Variants in RXRA observed in about 807,000 individuals in gnomAD.
RXRA encodes retinoid X receptor alpha.
A neutral mutation model predicts 44.5 loss-of-function variants in RXRA; 5 were observed. The observed-to-expected ratio is 0.11, with a 90% CI of 0.06 to 0.24. The LOEUF is 0.24. Ranked by LOEUF, RXRA falls within the 10% of genes least tolerant of loss-of-function variation. The pLI, the probability that RXRA is intolerant of heterozygous loss-of-function variation, is 1.00. For missense variants in RXRA, 412 were observed against 646.5 expected, an observed-to-expected ratio of 0.64 and a Z score of 3.93; for synonymous variants, 291 against 271.4, an observed-to-expected ratio of 1.07 and a Z score of -0.71.
chr9:134,372,635 G>A (rs1247064281), intron 1 of RXRA, among the ~76,000 whole-genome samples: 1 of 152,164 alleles, frequency 6.6e-6, no homozygotes, highest in Non-Finnish European at 1.5e-5. Context: ...GGAGACAGAG[G>A]ATCAGAGAGG....
At chr9:134,423,416 T>C (rs1831381130) in intron 6 of RXRA, 1 of 985,360 alleles carries the variant, frequency 1.0e-6, no homozygotes, top group African/African-American at 1.7e-5. Flanking sequence ...GGCTCCTAAG[T>C]GGCAAGTGGA....
chr9:134,355,755 C>T (rs1211434948), intron 1 of RXRA, among the ~76,000 whole-genome samples: 1 of 152,300 alleles, frequency 6.6e-6, no homozygotes, highest in African/African-American at 2.4e-5. Context: ...CCTTGCCACA[C>T]GTTGGAGGCA....
At chr9:134,334,448 A>G (rs1226509858) in intron 1 of RXRA, among the ~76,000 whole-genome samples, 1 of 152,256 alleles carries the variant, frequency 6.6e-6, no homozygotes, top group Non-Finnish European at 1.5e-5. Context: ...AGGGCCACCA[A>G]GGTGACAGTT....
chr9:134,381,027 G>A (rs1261296603), intron 1 of RXRA, among the ~76,000 whole-genome samples: 1 of 152,226 alleles, frequency 6.6e-6, no homozygotes, highest in Admixed American at 6.5e-5. Flanking sequence ...GACTGAGTCT[G>A]AACCCGGTGG....
intron 1 of RXRA, among the ~76,000 whole-genome samples, chr9:134,339,743 G>A (rs1164374688): frequency 6.7e-6 from 1 of 148,898 alleles, no homozygotes; most frequent in African/African-American, 2.5e-5. Context: ...GTCTATGTGT[G>A]AGATCCCGTG....
At chr9:134,435,824 A>G (rs796123276) in intron 9 of RXRA, among the ~76,000 whole-genome samples, 2 of 152,270 alleles carry the variant, frequency 1.3e-5, no homozygotes, top group South Asian at 4.1e-4. Flanking sequence ...CTGCAGCCAG[A>G]TGCATTACTG....
chr9:134,394,456 G>C (rs990538614), intron 1 of RXRA, among the ~76,000 whole-genome samples: 1 of 152,156 alleles, frequency 6.6e-6, no homozygotes, highest in African/African-American at 2.4e-5. Context: ...AAGACTGAAG[G>C]GTGTTTGGTT....
intron 1 of RXRA, among the ~76,000 whole-genome samples, chr9:134,363,745 G>A (rs1187491983): frequency 6.6e-5 from 10 of 152,210 alleles, no homozygotes; most frequent in African/African-American, 2.4e-4. Flanking sequence ...GGACAGCCTT[G>A]TGGGAGGCCC....
intron 6 of RXRA, chr9:134,427,090 C>A (rs866566885): frequency 1.3e-5 from 13 of 983,130 alleles, no homozygotes; most frequent in Middle Eastern, 5.2e-4. Context: ...CACAGATTAC[C>A]CACATGTCAG....
Position 134,435,054 on chromosome 9 carries a change from C to T in RXRA, c.1241+847C>T, listed in dbSNP as rs559297953. Among the ~76,000 whole-genome samples, 13 of 152,356 alleles carry T rather than the reference C, an allele frequency of 8.5e-5. No individual in the cohort carries two copies. In the South Asian group the frequency reaches 2.7e-3, roughly 32 times the overall value. On this transcript the variant is annotated intron_variant, in intron 9 of 9. Coordinates refer to ENST00000481739, the MANE Select transcript of RXRA (RefSeq NM_002957.6). ...GCAGCTTGTTTTTCCTGGCTTTCTGCCCTGGCCCATCTCGCCAGCTCAGCA... is the reference window on the plus strand; with the variant it reads ...GCAGCTTGTTTTTCCTGGCTTTCTGTCCTGGCCCATCTCGCCAGCTCAGCA...
intron 1 of RXRA, among the ~76,000 whole-genome samples, chr9:134,385,503 G>A (rs932177250): frequency 6.6e-6 from 1 of 152,280 alleles, no homozygotes; most frequent in South Asian, 2.1e-4. Flanking sequence ...TCCTCCACTC[G>A]GGCCTCTGCG....
chr9:134,372,814 G>A (rs1431123909), intron 1 of RXRA, among the ~76,000 whole-genome samples: 1 of 152,232 alleles, frequency 6.6e-6, no homozygotes, highest in Non-Finnish European at 1.5e-5. Context: ...GCCCTTGTAG[G>A]CTGTGTGACC....
intron 1 of RXRA, among the ~76,000 whole-genome samples, chr9:134,355,869 G>A (rs575082167): frequency 7.8e-4 from 118 of 152,236 alleles, no homozygotes; most frequent in Admixed American, 1.2e-3. Flanking sequence ...GGAAAGCTCC[G>A]CAGGTACCCT....
intron 1 of RXRA, among the ~76,000 whole-genome samples, chr9:134,371,016 T>C (rs1830484985): frequency 6.6e-6 from 1 of 151,620 alleles, no homozygotes; most frequent in African/African-American, 2.4e-5. Context: ...CAGCCTCACT[T>C]GAGGGCTGAG....
At chr9:134,382,233 C>A (rs115209177) in intron 1 of RXRA, among the ~76,000 whole-genome samples, 1 of 151,898 alleles carries the variant, frequency 6.6e-6, no homozygotes, top group Non-Finnish European at 1.5e-5. Context: ...CCCCTGTGGC[C>A]GGCCGCATGT....
intron 1 of RXRA, among the ~76,000 whole-genome samples, chr9:134,350,257 G>T (rs1554749303): frequency 6.6e-6 from 1 of 152,164 alleles, no homozygotes; most frequent in Non-Finnish European, 1.5e-5. Flanking sequence ...AGAGCCAGTG[G>T]GGCTGGGGCC....
chr9:134,408,196 C>G lies in RXRA; in HGVS notation c.327C>G (p.Pro109=). ...NPVSSSEDIK[P]PLGLNGVLKV... Reference sequence around the variant, plus strand: ...TCAGCAGCAGCGAGGACATCAAGCCCCCCCTGGGCCTCAATGGCGTCCTCA... The same window carrying G: ...TCAGCAGCAGCGAGGACATCAAGCCGCCCCTGGGCCTCAATGGCGTCCTCA... Residue 109 remains proline, a synonymous_variant, in exon 3 of 10, where the codon CCC becomes CCG. Transcript: ENST00000481739. The G allele has an allele frequency of 6.2e-7, 1 of 1,604,212 alleles. No homozygotes were observed.
At chr9:134,345,231 C>T (rs1554748613) in intron 1 of RXRA, among the ~76,000 whole-genome samples, 1 of 152,208 alleles carries the variant, frequency 6.6e-6, no homozygotes, top group African/African-American at 2.4e-5. Context: ...ACGTATCCCC[C>T]TCTAGCTGGT....
intron 5 of RXRA, 114 bp from the exon 6 acceptor site, chr9:134,421,562 C>A: frequency 3.3e-6 from 4 of 1,220,610 alleles, no homozygotes; most frequent in South Asian, 1.5e-5. Flanking sequence ...TCTTTGGGGG[C>A]CGTATTCAGC....
Sources: gnomAD v4.1 joint callset for allele counts (sites outside exome capture counted in the v4.1 genomes callset) on GRCh38, gnomAD v4.1.1 for gene constraint, MANE v1.5 for transcripts, NCBI Gene and HGNC (gene_info 2026-07-23, HGNC 2026-07-21) for gene names.